The following ST7L variants were observed in gnomAD, a reference collection of about 807,000 sequenced individuals.
ST7L encodes the protein suppressor of tumorigenicity 7 protein-like.
ST7L carries 57 observed loss-of-function variants against 72.5 expected under a neutral mutation model. The observed-to-expected ratio is 0.79, with a 90% CI of 0.64 to 0.98. ST7L has a LOEUF of 0.98. ST7L is among the 50% of genes least tolerant of loss of function. The pLI is 0.00. For missense variants in ST7L, 576 were observed against 672.2 expected, an observed-to-expected ratio of 0.86 and a Z score of 1.58; for synonymous variants, 221 against 240.9, an observed-to-expected ratio of 0.92 and a Z score of 0.77.
chr1:112,539,820 A>G, intron 14 of ST7L: 1 of 985,354 alleles, frequency 1.0e-6, no homozygotes, highest in Non-Finnish European at 1.2e-6. Context: ...GGGTTTTAAA[A>G]TGTACATGTA....
intron 12 of ST7L, among the ~76,000 whole-genome samples, chr1:112,551,533 CTT>C (rs1189050030): frequency 6.6e-6 from 1 of 152,168 alleles, no homozygotes; most frequent in East Asian, 1.9e-4. Context: ...ATAAATAAAA[CTT>C]TATCGGAACA....
chr1:112,610,685 A>T (rs1668939422), intron 3 of ST7L, 156 bp downstream of exon 3: 1 of 902,044 alleles, frequency 1.1e-6, no homozygotes, highest in East Asian at 2.7e-5. Flanking sequence ...TCACCTCCCA[A>T]AGACCCTACC....
At chr1:112,591,080 GC>G (rs1285447733) in intron 6 of ST7L, among the ~76,000 whole-genome samples, 2 of 151,660 alleles carry the variant, frequency 1.3e-5, no homozygotes, top group East Asian at 3.9e-4. Flanking sequence ...ACAGGCGCTC[GC>G]CCCCATGCCC....
intron 11 of ST7L, among the ~76,000 whole-genome samples, chr1:112,558,070 T>C: frequency 6.6e-6 from 1 of 152,220 alleles, no homozygotes; most frequent in East Asian, 1.9e-4. Context: ...AAAACTTACT[T>C]AGTTAGCTAA....
intron 5 of ST7L, among the ~76,000 whole-genome samples, chr1:112,596,788 C>G (rs969979618): frequency 2.0e-5 from 3 of 152,142 alleles, no homozygotes; most frequent in African/African-American, 7.2e-5. Flanking sequence ...CAGGCACCCA[C>G]CATCATGCCC....
chr1:112,581,990 AC>A lies in ST7L; in HGVS notation c.1069+1del, dbSNP rs759859804. 1.7e-5 allele frequency: 26 copies of A among 1,532,938 alleles called. No individual in the cohort carries two copies. The highest frequency in any genetic ancestry group is 2.3e-5 in the Non-Finnish European group (25 of 1,106,660). 95.0% of individuals were successfully genotyped at this position (1,532,938 alleles called of 1,614,324 possible). A position where few individuals can be genotyped will look rare whatever the true frequency, so the allele number is the denominator to read the frequency against. On this transcript the variant is annotated splice_donor_variant, in intron 9 of 14. Coordinates refer to ENST00000358039, the MANE Select transcript of ST7L (RefSeq NM_017744.5). LOFTEE classifies it high-confidence loss of function. ...GCTATCAACTAAGGGAATATGACTC[AC>A]CATCATATTTTGCTAGGACTGCCTG...
downstream of ST7L, chr1:112,520,457 A>C: frequency 6.2e-7 from 1 of 1,614,194 alleles, no homozygotes; most frequent in Non-Finnish European, 8.5e-7. Context: ...AATACTGTGG[A>C]CGTCCATACT....
intron 14 of ST7L, among the ~76,000 whole-genome samples, chr1:112,537,574 AG>A (rs1655419213): frequency 6.6e-6 from 1 of 152,244 alleles, no homozygotes; most frequent in Non-Finnish European, 1.5e-5. Flanking sequence ...ATCAGATTCC[AG>A]TTCAGTTGGT....
At chr1:112,556,281 A>G (rs1203374862) in intron 11 of ST7L, among the ~76,000 whole-genome samples, 1 of 152,244 alleles carries the variant, frequency 6.6e-6, no homozygotes, top group African/African-American at 2.4e-5. Context: ...TACAAAATGG[A>G]AACTCGAGCT....
rs755607411 is a variant in ST7L at position 112,616,786 on chromosome 1, TGAAG to T, written c.288+23_288+26del. The stretch of plus-strand genomic sequence containing the variant: ...ATATCTTTAGATAAACACCAAAACA[TGAAG>T]GAAGGAAATGGAAACTACTTACAAA... On this transcript the variant is annotated intron_variant, in intron 2 of 14. Transcript: ENST00000358039. The T allele has an allele frequency of 1.6e-5, 23 of 1,480,836 alleles. No individual in the cohort carries two copies. The African/African-American group carries it at 3.2e-4, about 20-fold the overall frequency. The allele number at this position is 1,480,836 out of a possible 1,614,324, so 91.7% of individuals were successfully genotyped here. A position where few individuals can be genotyped will look rare whatever the true frequency, so the allele number is the denominator to read the frequency against.
At chr1:112,600,751 C>A in intron 4 of ST7L, 43 bp downstream of exon 4, 1 of 1,545,820 alleles carries the variant, frequency 6.5e-7, no homozygotes, top group Non-Finnish European at 8.9e-7. Context: ...TACCTTTACT[C>A]TAAAACCAAT....
intron 6 of ST7L, among the ~76,000 whole-genome samples, chr1:112,587,574 G>C (rs1665050675): frequency 6.6e-6 from 1 of 152,190 alleles, no homozygotes; most frequent in South Asian, 2.1e-4. Context: ...TTGCACTCCA[G>C]CCTGGGCAAA....
intron 6 of ST7L, 174 bp downstream of exon 6, chr1:112,591,351 A>C (rs1248581604): frequency 3.5e-6 from 2 of 566,614 alleles, no homozygotes; most frequent in Non-Finnish European, 3.1e-6. Context: ...TTACAATTTC[A>C]GAAGCAAAAT....
intron 11 of ST7L, among the ~76,000 whole-genome samples, chr1:112,566,507 C>T (rs1661085315): frequency 6.6e-6 from 1 of 151,938 alleles, no homozygotes; most frequent in African/African-American, 2.4e-5. Flanking sequence ...CCATGCTGGC[C>T]AGGCTGGTCT....
chr1:112,532,867 C>T (rs1654596493), intron 14 of ST7L, among the ~76,000 whole-genome samples: 1 of 152,108 alleles, frequency 6.6e-6, no homozygotes, highest in African/African-American at 2.4e-5. Flanking sequence ...CATTAAGGAA[C>T]ACACCCAAGT....
At chr1:112,599,391 C>G (rs1667058925) in intron 4 of ST7L, among the ~76,000 whole-genome samples, 1 of 151,974 alleles carries the variant, frequency 6.6e-6, no homozygotes, top group Non-Finnish European at 1.5e-5. Flanking sequence ...GTATCTCCAT[C>G]ATTTTGCACA....
rs181456166 is a variant in ST7L, at chr1:112,578,590, A to G, written c.1070-173T>C. Among the ~76,000 whole-genome samples, 622 of 152,256 alleles carry G rather than the reference A, an allele frequency of 4.1e-3. 3 individuals are homozygous for G. The highest frequency in any genetic ancestry group is 0.014 in the African/African-American group (600 of 41,560). Reference sequence around the variant, plus strand: ...GGAGTTCAAGACCGGCCTGACCAAAATGGAGAAACCCCGTCTCTATTAAAA... The same window carrying G: ...GGAGTTCAAGACCGGCCTGACCAAAGTGGAGAAACCCCGTCTCTATTAAAA... On this transcript the variant is annotated intron_variant, in intron 9 of 14. Coordinates refer to ENST00000358039, the MANE Select transcript of ST7L (RefSeq NM_017744.5).
At chr1:112,583,576 C>T (rs1197822497) in intron 7 of ST7L, among the ~76,000 whole-genome samples, 1 of 152,180 alleles carries the variant, frequency 6.6e-6, no homozygotes, top group East Asian at 1.9e-4. Flanking sequence ...GAAGAACCAA[C>T]CAAATAATGT....
upstream of ST7L, chr1:112,619,247 G>C: frequency 1.2e-6 from 1 of 801,272 alleles, no homozygotes; most frequent in Non-Finnish European, 2.0e-6. Context: ...GGACCGAGAA[G>C]ATTTCGAAGG....
Sources: gnomAD v4.1 joint callset for allele counts (sites outside exome capture counted in the v4.1 genomes callset) on GRCh38, gnomAD v4.1.1 for gene constraint, MANE v1.5 for transcripts, NCBI Gene and HGNC (gene_info 2026-07-23, HGNC 2026-07-21) for gene names.